The following SLCO3A1 variants were observed in gnomAD, a reference collection of about 807,000 sequenced individuals.
The protein encoded by SLCO3A1 is solute carrier organic anion transporter family member 3A1.
Under a neutral mutation model 63.1 loss-of-function variants are expected in SLCO3A1, and 27 were observed. That is an observed-to-expected ratio of 0.43 (90% CI 0.32 to 0.59). The LOEUF is 0.59. Among genes scored for constraint, SLCO3A1 ranks in the 20% least tolerant of loss-of-function variants. The pLI is 0.09. For missense variants in SLCO3A1, 773 were observed against 945.8 expected (o/e 0.82, Z 2.40); for synonymous variants, 473 against 409.9 (o/e 1.15, Z -1.86).
At chr15:92,073,339 T>A (rs564787371) in intron 2 of SLCO3A1, among the ~76,000 whole-genome samples, 14 of 152,242 alleles carry the variant, frequency 9.2e-5, no homozygotes, top group African/African-American at 3.1e-4. Context: ...TTCTACCCCG[T>A]GGAAAAGGTG....
intron 2 of SLCO3A1, among the ~76,000 whole-genome samples, chr15:92,011,129 C>G (rs565044621): frequency 6.6e-6 from 1 of 152,244 alleles, no homozygotes; most frequent in Non-Finnish European, 1.5e-5. Context: ...ATAGCAACCC[C>G]GGACATCTTG....
At chr15:91,899,350 G>T (rs991010072) in intron 1 of SLCO3A1, among the ~76,000 whole-genome samples, 5 of 152,146 alleles carry the variant, frequency 3.3e-5, no homozygotes, top group Non-Finnish European at 7.4e-5. Context: ...GACAGTACCT[G>T]GTTAGTTCAC....
intron 1 of SLCO3A1, among the ~76,000 whole-genome samples, chr15:91,880,177 CT>C (rs1482755614): frequency 2.3e-4 from 35 of 151,772 alleles, no homozygotes; most frequent in South Asian, 4.2e-4. Context: ...ATCCATCTAT[CT>C]ATCTATCTAT....
chr15:92,094,072 T>G (rs1419613173), intron 2 of SLCO3A1, among the ~76,000 whole-genome samples: 2 of 152,210 alleles, frequency 1.3e-5, no homozygotes, highest in East Asian at 3.9e-4. Context: ...TCTACCAAAT[T>G]GAAATTTAAA....
chr15:91,959,463 C>T (rs1362639032), intron 2 of SLCO3A1, among the ~76,000 whole-genome samples: 1 of 152,010 alleles, frequency 6.6e-6, no homozygotes, highest in East Asian at 1.9e-4. Context: ...GGCACGGTGG[C>T]TCACACCTGT....
At chr15:92,144,917 G>A (rs2048200854) in intron 7 of SLCO3A1, among the ~76,000 whole-genome samples, 1 of 152,130 alleles carries the variant, frequency 6.6e-6, no homozygotes, top group South Asian at 2.1e-4. Context: ...ATGCAGAGAT[G>A]GTAAAATGAA....
chr15:92,144,483 C>G (rs146047000), intron 7 of SLCO3A1, among the ~76,000 whole-genome samples: 111 of 152,338 alleles, frequency 7.3e-4, no homozygotes, highest in African/African-American at 2.4e-3. Context: ...ATTCCTTTAT[C>G]TCTGGTACAG....
At chr15:92,007,971 T>A (rs2046329922) in intron 2 of SLCO3A1, among the ~76,000 whole-genome samples, 2 of 152,148 alleles carry the variant, frequency 1.3e-5, no homozygotes, top group African/African-American at 4.8e-5. Flanking sequence ...CCTTGAGGAC[T>A]TGGTGATTTC....
At chr15:92,129,003 T>C (rs1341991622) in intron 7 of SLCO3A1, among the ~76,000 whole-genome samples, 1 of 152,232 alleles carries the variant, frequency 6.6e-6, no homozygotes, top group Admixed American at 6.5e-5. Flanking sequence ...GGGTTGCTTT[T>C]TCCTGCTTAG....
At chr15:91,879,981 C>T (rs1456988105) in intron 1 of SLCO3A1, among the ~76,000 whole-genome samples, 3 of 152,104 alleles carry the variant, frequency 2.0e-5, no homozygotes, top group East Asian at 1.9e-4. Flanking sequence ...ATAAGATATT[C>T]AGGGCTCTGT....
At chr15:91,878,058 G>T (rs12898512) in intron 1 of SLCO3A1, among the ~76,000 whole-genome samples, 40,521 of 150,928 alleles carry the variant, frequency 0.27, 5,809 homozygotes, top group Non-Finnish European at 0.33. Flanking sequence ...ACCATCATCA[G>T]GTGGCATCTG....
intron 7 of SLCO3A1, among the ~76,000 whole-genome samples, chr15:92,135,622 A>G (rs574441319): frequency 6.6e-6 from 1 of 152,358 alleles, no homozygotes; most frequent in Non-Finnish European, 1.5e-5. Flanking sequence ...ACAAAAAGAC[A>G]GTAATAAATG....
At chr15:92,053,682 TTG>T (rs773592737) in intron 2 of SLCO3A1, among the ~76,000 whole-genome samples, 3,528 of 20,620 alleles carry the variant, frequency 0.17, 77 homozygotes, top group Non-Finnish European at 0.31. Flanking sequence ...TTTTGTTTTT[TTG>T]TTTGTTTGTT....
At chr15:91,971,918 A>G (rs1900890681) in intron 2 of SLCO3A1, among the ~76,000 whole-genome samples, 1 of 152,158 alleles carries the variant, frequency 6.6e-6, no homozygotes, top group Admixed American at 6.5e-5. Flanking sequence ...GCTTGGGACC[A>G]GAAGTGTTTT....
At chr15:91,915,950 A>G (rs780863212) in intron 1 of SLCO3A1, 43 bp from the exon 2 acceptor site, 4 of 1,519,208 alleles carry the variant, frequency 2.6e-6, no homozygotes, top group Non-Finnish European at 2.7e-6. Flanking sequence ...CTTCCTGGGC[A>G]TCTTCTTGGA....
intron 2 of SLCO3A1, among the ~76,000 whole-genome samples, chr15:92,094,513 A>G (rs1292805025): frequency 1.3e-5 from 2 of 152,232 alleles, no homozygotes; most frequent in African/African-American, 4.8e-5. Context: ...AATAAGTTAC[A>G]TAAAAGTAAG....
chr15:91,914,037 A>G (rs185953138), intron 1 of SLCO3A1, among the ~76,000 whole-genome samples: 109 of 152,322 alleles, frequency 7.2e-4, no homozygotes, highest in African/African-American at 2.5e-3. Context: ...GTGTTCACAG[A>G]TAAATGATAA....
intron 2 of SLCO3A1, among the ~76,000 whole-genome samples, chr15:92,068,514 C>G (rs947999751): frequency 1.3e-5 from 2 of 152,190 alleles, no homozygotes; most frequent in African/African-American, 4.8e-5. Context: ...AAACCTGGTT[C>G]AAATAATTAT....
At chr15:91,993,742 T>C (rs187593108) in intron 2 of SLCO3A1, among the ~76,000 whole-genome samples, 252 of 152,352 alleles carry the variant, frequency 1.7e-3, no homozygotes, top group Non-Finnish European at 2.9e-3. Context: ...AAGGCTGACC[T>C]GTATAACCAA....
Sources: gnomAD v4.1 joint callset for allele counts (sites outside exome capture counted in the v4.1 genomes callset) on GRCh38, gnomAD v4.1.1 for gene constraint, MANE v1.5 for transcripts, NCBI Gene and HGNC (gene_info 2026-07-23, HGNC 2026-07-21) for gene names.